PRELID2: variants seen among roughly 807,000 people sequenced by gnomAD.
PRELID2 encodes PRELI domain containing 2, also known as PRELI domain-containing protein 2.
A neutral mutation model predicts 28.4 loss-of-function variants in PRELID2; 25 were observed. The observed-to-expected ratio is 0.88, with a 90% confidence interval of 0.64 to 1.23. The LOEUF (loss-of-function observed/expected upper bound fraction) is 1.23. Among genes scored for constraint, PRELID2 ranks in the 50% most tolerant of loss-of-function variants. PRELID2 has a pLI of 0.00. For missense variants in PRELID2, 201 were observed against 214.4 expected (o/e 0.94, Z 0.39); for synonymous variants, 76 against 71.6 (o/e 1.06, Z -0.31).
intron 1 of PRELID2, among the ~76,000 whole-genome samples, chr5:145,534,007 G>T (rs13179010): frequency 6.6e-6 from 1 of 151,912 alleles, no homozygotes; most frequent in East Asian, 1.9e-4. Context: ...TTATATGACT[G>T]AGGAGATTCT....
At chr5:145,422,304 C>T in the PRELID2 span, among the ~76,000 whole-genome samples, 43 of 151,708 alleles carry the variant, frequency 2.8e-4, no homozygotes, top group East Asian at 7.4e-3. Flanking sequence ...CTTTCTGTCT[C>T]GTTGATGTGT....
downstream of PRELID2, among the ~76,000 whole-genome samples, chr5:145,467,912 T>A (rs374184846): frequency 2.6e-4 from 40 of 151,666 alleles, no homozygotes; most frequent in South Asian, 2.9e-3. Flanking sequence ...GTTTTGTTTT[T>A]TATATATATA....
At chr5:145,623,975 T>C (rs1360526849) in intron 1 of PRELID2, among the ~76,000 whole-genome samples, 2 of 151,844 alleles carry the variant, frequency 1.3e-5, no homozygotes, top group Non-Finnish European at 2.9e-5. Flanking sequence ...GTACGTCAGA[T>C]GACCAGCTGT....
intron 1 of PRELID2, among the ~76,000 whole-genome samples, chr5:145,722,794 C>G (rs1756027574): frequency 6.6e-6 from 1 of 152,126 alleles, no homozygotes; most frequent in Non-Finnish European, 1.5e-5. Context: ...GCCACCACAC[C>G]CGGCCCCAAA....
At chr5:145,608,304 T>G (rs1753539095) in intron 1 of PRELID2, among the ~76,000 whole-genome samples, 1 of 152,220 alleles carries the variant, frequency 6.6e-6, no homozygotes, top group Non-Finnish European at 1.5e-5. Context: ...CTGGTTATTA[T>G]GCAGACTTGA....
At chr5:145,618,612 G>T (rs146633086) in intron 1 of PRELID2, among the ~76,000 whole-genome samples, 1 of 152,162 alleles carries the variant, frequency 6.6e-6, no homozygotes, top group Non-Finnish European at 1.5e-5. Context: ...GCTGTGTAAG[G>T]GTACCTAGCT....
At chr5:145,603,610 A>T (rs1326916104) in intron 1 of PRELID2, among the ~76,000 whole-genome samples, 2 of 152,168 alleles carry the variant, frequency 1.3e-5, no homozygotes, top group African/African-American at 4.8e-5. Context: ...AAAATTAGAG[A>T]TGCAGAAAAA....
At chr5:145,658,302 C>G (rs1466928994) in intron 1 of PRELID2, among the ~76,000 whole-genome samples, 1 of 152,184 alleles carries the variant, frequency 6.6e-6, no homozygotes, top group Non-Finnish European at 1.5e-5. Context: ...CAAGTCCATT[C>G]CCTGCACAGA....
intron 1 of PRELID2, among the ~76,000 whole-genome samples, chr5:145,832,155 C>T (rs1441659672): frequency 2.6e-5 from 4 of 152,134 alleles, no homozygotes; most frequent in African/African-American, 9.7e-5. Context: ...AAAGAAAACA[C>T]ATTGAGCACA....
At chr5:145,377,529 T>C in the PRELID2 span, among the ~76,000 whole-genome samples, 1 of 152,206 alleles carries the variant, frequency 6.6e-6, no homozygotes. Context: ...AAGAACTTGC[T>C]TTATGAATCT....
chr5:145,542,753 C>CTT (rs1436794825), intron 1 of PRELID2, among the ~76,000 whole-genome samples: 1 of 135,602 alleles, frequency 7.4e-6, no homozygotes, highest in Non-Finnish European at 1.6e-5. Flanking sequence ...ATTGTAATTT[C>CTT]TTTCTTTCTT....
intron 1 of PRELID2, among the ~76,000 whole-genome samples, chr5:145,705,557 G>C (rs28595661): frequency 0.012 from 1,857 of 152,160 alleles, 37 homozygotes; most frequent in African/African-American, 0.04. Flanking sequence ...GATATTTATT[G>C]ACATAGAAAG....
chr5:145,786,653 A>T (rs1752011432), intron 5 of PRELID2, among the ~76,000 whole-genome samples: 1 of 152,232 alleles, frequency 6.6e-6, no homozygotes, highest in Admixed American at 6.5e-5. Context: ...GAGGTAATAC[A>T]TATGTGTTGT....
chr5:145,825,225 C>CAAAAAAAAAAAAAAAAAAAAAAAAAA (rs56818178), intron 1 of PRELID2, among the ~76,000 whole-genome samples: 1 of 60,402 alleles, frequency 1.7e-5, no homozygotes, highest in African/African-American at 5.4e-5. Context: ...GACTCTGTCT[C>CAAAAAAAAAAAAAAAAAAAAAAAAAA]AAAAAAAAAA....
chr5:145,340,804 C>G, the PRELID2 span, among the ~76,000 whole-genome samples: 14 of 110,138 alleles, frequency 1.3e-4, no homozygotes, highest in Admixed American at 9.5e-4. Flanking sequence ...TATATATCCT[C>G]CCTATATCCA....
intron 1 of PRELID2, among the ~76,000 whole-genome samples, chr5:145,587,479 C>G (rs111253044): frequency 3.1e-4 from 47 of 152,180 alleles, no homozygotes; most frequent in African/African-American, 1.1e-3. Flanking sequence ...GGGCATATAC[C>G]CATGAAAACA....
chr5:145,434,038 G>C, the PRELID2 span, among the ~76,000 whole-genome samples: 1 of 152,156 alleles, frequency 6.6e-6, no homozygotes, highest in African/African-American at 2.4e-5. Flanking sequence ...ATTACAAAAT[G>C]GACATGGCTG....
At position 145,757,734 on chromosome 5, in the gene PRELID2, G is replaced by C. The variant is rs1437223326; in HGVS notation, c.*2802C>G. On this transcript the variant is annotated 3_prime_UTR_variant, in exon 7 of 7. Transcript: ENST00000683046. ...CCCAGCACTTTGGGAGGCAGAGGCA[G>C]AGGCAGGAGGATCATTTGAGGCCAG... Among the ~76,000 whole-genome samples the C allele has an allele frequency of 6.6e-6, 1 of 150,798 alleles. No homozygotes were observed. The highest frequency in any genetic ancestry group is 2.4e-5 in the African/African-American group (1 of 40,900).
intron 1 of PRELID2, among the ~76,000 whole-genome samples, chr5:145,571,840 G>T (rs556837543): frequency 7.2e-5 from 11 of 152,076 alleles, no homozygotes; most frequent in Admixed American, 2.6e-4. Context: ...AATTAGCCAC[G>T]CTTGGTGGCA....
Sources: allele counts gnomAD v4.1 joint callset (sites outside exome capture counted in the v4.1 genomes callset), GRCh38; gene constraint gnomAD v4.1.1; transcripts MANE v1.5; gene names NCBI Gene and HGNC (gene_info 2026-07-23, HGNC 2026-07-21).